Variants in STK32C observed in about 807,000 individuals in gnomAD.
STK32C encodes serine/threonine-protein kinase 32C.
In STK32C, 31 loss-of-function variants were observed where a neutral mutation model predicts 56.5. The observed-to-expected ratio is 0.55, with a 90% confidence interval of 0.41 to 0.74. The LOEUF (loss-of-function observed/expected upper bound fraction) is 0.74, where lower values mean the gene tolerates loss of function less well. Among genes scored for constraint, STK32C ranks in the 30% least tolerant of loss-of-function variants. The pLI is 0.00. For missense variants in STK32C, 544 were observed against 676.9 expected, an observed-to-expected ratio of 0.80 and a Z score of 2.18; for synonymous variants, 309 against 289.4, an observed-to-expected ratio of 1.07 and a Z score of -0.69.
intron 1 of STK32C, among the ~76,000 whole-genome samples, chr10:132,276,749 T>C (rs1375668192): frequency 6.6e-6 from 1 of 151,914 alleles, no homozygotes; most frequent in Non-Finnish European, 1.5e-5. Context: ...ATTGTGCCAC[T>C]GCAGTCCAGC....
chr10:132,299,224 T>A (rs2065842941), intron 1 of STK32C, among the ~76,000 whole-genome samples: 1 of 138,518 alleles, frequency 7.2e-6, no homozygotes, highest in African/African-American at 2.9e-5. Context: ...CCAGCAGAAC[T>A]GAGACCCCAG....
chr10:132,224,612 G>A, intron 7 of STK32C, 89 bp from the exon 8 acceptor site: 1 of 946,416 alleles, frequency 1.1e-6, no homozygotes, highest in East Asian at 2.6e-5. Context: ...CGCCCTGAGA[G>A]GACCCCCTCC....
At chr10:132,246,673 G>A (rs1283024626) in intron 1 of STK32C, among the ~76,000 whole-genome samples, 1 of 152,180 alleles carries the variant, frequency 6.6e-6, no homozygotes, top group South Asian at 2.1e-4. Flanking sequence ...AGACCTGTCC[G>A]TGTGCCCTAT....
intron 1 of STK32C, among the ~76,000 whole-genome samples, chr10:132,265,963 G>A (rs578060806): frequency 4.3e-4 from 66 of 152,314 alleles, no homozygotes; most frequent in Non-Finnish European, 7.3e-4. Flanking sequence ...ACATACACTT[G>A]CTGTGCCACC....
intron 7 of STK32C, 24 bp from the exon 8 acceptor site, chr10:132,224,547 G>A (rs1451606157): frequency 3.2e-6 from 5 of 1,558,694 alleles, no homozygotes; most frequent in Admixed American, 1.8e-5. Flanking sequence ...GGCAGTGCTG[G>A]GCAGGTCCTC....
chr10:132,207,918 G>C lies in STK32C; in HGVS notation c.*92C>G. ...GGGCACCGCCAGCCAGGCTGGGTGGGAACGTGAATGCCAGGCCTCGGCCCA... is the reference window on the plus strand; with the variant it reads ...GGGCACCGCCAGCCAGGCTGGGTGGCAACGTGAATGCCAGGCCTCGGCCCA... On this transcript the variant is annotated 3_prime_UTR_variant, in exon 12 of 12. Coordinates refer to ENST00000298630, the MANE Select transcript of STK32C (RefSeq NM_173575.4). The C allele has an allele frequency of 8.1e-7, 1 of 1,236,650 alleles. No homozygotes were observed. The highest frequency in any genetic ancestry group is 1.0e-6 in the Non-Finnish European group (1 of 981,532). 76.6% of individuals were successfully genotyped at this position (1,236,650 alleles called of 1,614,324 possible). A position where few individuals can be genotyped will look rare whatever the true frequency, so the allele number is the denominator to read the frequency against.
intron 10 of STK32C, among the ~76,000 whole-genome samples, chr10:132,211,762 C>G (rs901749358): frequency 3.3e-5 from 5 of 152,176 alleles, no homozygotes; most frequent in Non-Finnish European, 7.3e-5. Context: ...GTTTGAGAGC[C>G]CAGCTCCCTC....
intron 1 of STK32C, chr10:132,330,532 CAGGGT>C: frequency 1.4e-6 from 1 of 716,414 alleles, no homozygotes; most frequent in Non-Finnish European, 2.6e-6. Flanking sequence ...TTTTTTGAGA[CAGGGT>C]CTCGCTGTCA....
intron 5 of STK32C, 25 bp downstream of exon 5, chr10:132,225,722 G>A (rs780344299): frequency 1.9e-6 from 3 of 1,613,960 alleles, no homozygotes; most frequent in Non-Finnish European, 2.5e-6. Flanking sequence ...ACCCACCTGG[G>A]CTGCCCACAC....
intron 10 of STK32C, among the ~76,000 whole-genome samples, chr10:132,215,761 G>C (rs1421802884): frequency 6.6e-6 from 1 of 152,200 alleles, no homozygotes; most frequent in Non-Finnish European, 1.5e-5. Context: ...TTAGAACTGG[G>C]TAATAGGCAG....
At chr10:132,264,782 A>G (rs1225311354) in intron 1 of STK32C, among the ~76,000 whole-genome samples, 1 of 151,684 alleles carries the variant, frequency 6.6e-6, no homozygotes, top group African/African-American at 2.4e-5. Context: ...CTTTTTCAAG[A>G]CGAGTTTCCT....
intron 1 of STK32C, among the ~76,000 whole-genome samples, chr10:132,293,540 T>C (rs938794539): frequency 2.0e-5 from 3 of 152,196 alleles, no homozygotes; most frequent in Admixed American, 1.3e-4. Context: ...TGGGCGTTAC[T>C]GCAGAGCGTC....
chr10:132,226,474 C>T (rs1485156987), intron 4 of STK32C, among the ~76,000 whole-genome samples: 1 of 152,182 alleles, frequency 6.6e-6, no homozygotes, highest in African/African-American at 2.4e-5. Context: ...AAACAGGAGC[C>T]TTCAGTTAAA....
At chr10:132,235,518 A>G (rs2063254666) in intron 2 of STK32C, among the ~76,000 whole-genome samples, 1 of 151,650 alleles carries the variant, frequency 6.6e-6, no homozygotes. Context: ...AAAAAAAGGA[A>G]AGAAATCAAT....
chr10:132,280,435 C>A lies in STK32C; in HGVS notation c.262+27137G>T, dbSNP rs117587817. Among the ~76,000 whole-genome samples the A allele has an allele frequency of 5.0e-5, 7 of 140,424 alleles. No individual in the cohort carries two copies. The South Asian group carries it at 1.7e-3, about 34-fold the overall frequency. 92.1% of individuals were successfully genotyped at this position (140,424 alleles called of 152,430 possible). ...ACCCCCTGATCACACCACTGCACTCCGTGATCACGCCACTGCACCCCATGA... is the reference window on the plus strand; with the variant it reads ...ACCCCCTGATCACACCACTGCACTCAGTGATCACGCCACTGCACCCCATGA... On this transcript the variant is annotated intron_variant, in intron 1 of 11. Transcript: ENST00000298630.
At chr10:132,286,558 C>A (rs762833147) in intron 1 of STK32C, among the ~76,000 whole-genome samples, 2 of 151,990 alleles carry the variant, frequency 1.3e-5, no homozygotes, top group Non-Finnish European at 2.9e-5. Flanking sequence ...AATTCAGGAA[C>A]ACATAAAAAC....
intron 1 of STK32C, among the ~76,000 whole-genome samples, chr10:132,253,182 C>G (rs1180393762): frequency 6.6e-6 from 1 of 152,236 alleles, no homozygotes; most frequent in Non-Finnish European, 1.5e-5. Context: ...AAAGAAAAGG[C>G]AAGGAGCTTT....
chr10:132,270,626 G>C (rs2064786044), intron 1 of STK32C, among the ~76,000 whole-genome samples: 1 of 152,220 alleles, frequency 6.6e-6, no homozygotes, highest in African/African-American at 2.4e-5. Context: ...CGGCCTGCCG[G>C]ATATGAACCC....
chr10:132,223,560 G>C (rs1457369707), intron 8 of STK32C, among the ~76,000 whole-genome samples: 1 of 152,254 alleles, frequency 6.6e-6, no homozygotes, highest in Non-Finnish European at 1.5e-5. Flanking sequence ...CTCTAGCCCA[G>C]TGCCACCTTG....
Sources: allele counts gnomAD v4.1 joint callset (sites outside exome capture counted in the v4.1 genomes callset), GRCh38; gene constraint gnomAD v4.1.1; transcripts MANE v1.5; gene names NCBI Gene and HGNC (gene_info 2026-07-23, HGNC 2026-07-21).